Variants in MACF1 observed in about 807,000 individuals in gnomAD.
MACF1 encodes the protein microtubule-actin cross-linking factor 1.
A neutral mutation model predicts 854.8 loss-of-function variants in MACF1; 193 were observed. The observed-to-expected ratio is 0.23, with a 90% CI of 0.20 to 0.25. The LOEUF (loss-of-function observed/expected upper bound fraction) is 0.25, where lower values mean the gene tolerates loss of function less well. MACF1 is among the 10% of genes least tolerant of loss of function. The pLI is 1.00. For missense variants in MACF1, 7,722 were observed against 8,929.1 expected (o/e 0.86, Z 5.45); for synonymous variants, 3,185 against 3,226.7 (o/e 0.99, Z 0.44).
chr1:39,138,550 A>C (rs372714168), intron 2 of MACF1, among the ~76,000 whole-genome samples: 1 of 150,894 alleles, frequency 6.6e-6, no homozygotes. Context: ...GCGCCACTGC[A>C]CTCCAGCCTA....
At chr1:39,438,459 T>A (rs776555327) in intron 71 of MACF1, among the ~76,000 whole-genome samples, 7 of 152,234 alleles carry the variant, frequency 4.6e-5, no homozygotes, top group African/African-American at 7.2e-5. Flanking sequence ...GTATGTGGGA[T>A]ACCAATGTAA....
chr1:39,102,898 C>G (rs756007871), intron 2 of MACF1: 20 of 702,348 alleles, frequency 2.8e-5, no homozygotes, highest in Non-Finnish European at 4.4e-5. Context: ...TCATAGACTT[C>G]CTTCTTCCCA....
At chr1:39,327,156 A>G (rs1646630660) in intron 35 of MACF1, 62 bp from the exon 36 acceptor site, 1 of 1,466,032 alleles carries the variant, frequency 6.8e-7, no homozygotes, top group Admixed American at 2.2e-5. Flanking sequence ...TTGAAGCAAT[A>G]GAGCAGAGTT....
intron 1 of MACF1, among the ~76,000 whole-genome samples, chr1:39,221,727 C>T (rs1367348726): frequency 2.6e-5 from 4 of 152,142 alleles, no homozygotes; most frequent in African/African-American, 9.7e-5. Flanking sequence ...GTAGAGGTAC[C>T]TGCCCTCTTC....
intron 20 of MACF1, 102 bp from the exon 21 acceptor site, chr1:39,297,518 C>A: frequency 7.3e-7 from 1 of 1,379,108 alleles, no homozygotes; most frequent in Non-Finnish European, 1.0e-6. Context: ...AGGGTGTAAT[C>A]AGCTTTGCTA....
In MACF1 at chr1:39,102,369, C is replaced by T. The variant is rs534788480; in HGVS notation, c.220+17931C>T. ...TACGATTTAGTAAGGATGAGAGACA[C>T]TGTACCATAACTTCAAGTGTGATGA... On this transcript the variant is annotated intron_variant, in intron 2 of 93. Transcript: ENST00000361689. Among the ~76,000 whole-genome samples the T allele has an allele frequency of 3.3e-5, 5 of 149,682 alleles. No homozygotes were observed. The East Asian group carries it at 9.9e-4, about 30-fold the overall frequency.
intron 6 of MACF1, among the ~76,000 whole-genome samples, chr1:39,259,515 G>GCT (rs1645134292): frequency 6.6e-6 from 1 of 152,168 alleles, no homozygotes; most frequent in African/African-American, 2.4e-5. Flanking sequence ...ACCCACCTCG[G>GCT]TCTCCCAAAG....
At chr1:39,303,936 A>G (rs897835676) in intron 23 of MACF1, among the ~76,000 whole-genome samples, 1 of 151,924 alleles carries the variant, frequency 6.6e-6, no homozygotes. Flanking sequence ...TTATTATAAA[A>G]GAGATATGGA....
chr1:39,249,921 A>C (rs761808756), intron 2 of MACF1, 93 bp from the exon 3 acceptor site: 3 of 644,098 alleles, frequency 4.7e-6, no homozygotes, highest in Non-Finnish European at 8.1e-6. Flanking sequence ...TAAATTCTTT[A>C]ATTTGTGTTT....
intron 58 of MACF1, among the ~76,000 whole-genome samples, chr1:39,415,639 G>A (rs1297950901): frequency 2.0e-5 from 3 of 151,806 alleles, no homozygotes; most frequent in Admixed American, 2.0e-4. Flanking sequence ...GGGATTACAG[G>A]CGTGAGCCAC....
At chr1:39,178,614 C>T (rs1644064037) in intron 2 of MACF1, among the ~76,000 whole-genome samples, 1 of 152,164 alleles carries the variant, frequency 6.6e-6, no homozygotes, top group Admixed American at 6.5e-5. Context: ...CAGGGTTCAG[C>T]AGTTGTCCTT....
At chr1:39,238,978 G>GT in intron 2 of MACF1, among the ~76,000 whole-genome samples, 1 of 152,076 alleles carries the variant, frequency 6.6e-6, no homozygotes, top group African/African-American at 2.4e-5. Flanking sequence ...GTAGACCAAC[G>GT]TAAGGACAAA....
In MACF1 at chr1:39,453,193, G is replaced by A. The variant is rs575756724; in HGVS notation, c.20742+381G>A. Among the ~76,000 whole-genome samples, 19 of 152,244 alleles carry A rather than the reference G, an allele frequency of 1.2e-4. No individual in the cohort carries two copies. In the East Asian group the frequency reaches 3.3e-3, roughly 26 times the overall value. On this transcript the variant is annotated intron_variant, in intron 87 of 100. Coordinates refer to ENST00000564288, the MANE Select transcript of MACF1 (RefSeq NM_001394062.1). ...ACCACTTACTAAGCTGTAGAGTATG[G>A]TGCAGTGTCTGGGGTCTCAGTCTGT...
chr1:39,306,544 A>G (rs1431283144), intron 23 of MACF1, among the ~76,000 whole-genome samples: 3 of 151,380 alleles, frequency 2.0e-5, no homozygotes, highest in African/African-American at 7.3e-5. Context: ...AGGATTCCCA[A>G]TATGGCCAAA....
intron 33 of MACF1, 27 bp downstream of exon 33, chr1:39,323,035 C>G: frequency 6.3e-7 from 1 of 1,598,888 alleles, no homozygotes; most frequent in South Asian, 1.1e-5. Flanking sequence ...CCAAAGTCAT[C>G]TTGAAAGTAC....
At chr1:39,330,762 C>G (rs996699570) in intron 36 of MACF1, among the ~76,000 whole-genome samples, 1 of 151,172 alleles carries the variant, frequency 6.6e-6, no homozygotes, top group Non-Finnish European at 1.5e-5. Context: ...TTATCCCATG[C>G]TGGGTTTTCC....
intron 31 of MACF1, among the ~76,000 whole-genome samples, chr1:39,320,992 A>C (rs1195112019): frequency 6.6e-6 from 1 of 152,158 alleles, no homozygotes; most frequent in Non-Finnish European, 1.5e-5. Flanking sequence ...AAATAACTTG[A>C]GATTATTACA....
chr1:39,211,400 G>A (rs1180849090), intron 1 of MACF1, among the ~76,000 whole-genome samples: 1 of 152,074 alleles, frequency 6.6e-6, no homozygotes, highest in African/African-American at 2.4e-5. Flanking sequence ...GGATGAAACA[G>A]TAATTGTCCT....
At chr1:39,356,212 T>A (rs2148510209) in intron 44 of MACF1, among the ~76,000 whole-genome samples, 1 of 152,294 alleles carries the variant, frequency 6.6e-6, no homozygotes, top group East Asian at 1.9e-4. Flanking sequence ...GGTCTATGTA[T>A]AAGCACATAG....
Sources: allele counts gnomAD v4.1 joint callset (sites outside exome capture counted in the v4.1 genomes callset), GRCh38; gene constraint gnomAD v4.1.1; transcripts MANE v1.5; gene names NCBI Gene and HGNC (gene_info 2026-07-23, HGNC 2026-07-21).